STARD13: variants seen among roughly 807,000 people sequenced by gnomAD.
STARD13 encodes StAR related lipid transfer domain containing 13.
STARD13 carries 62 observed loss-of-function variants against 106.4 expected under a neutral mutation model. The ratio of observed to expected loss-of-function variants is 0.58; its 90% CI spans 0.48 to 0.72. The LOEUF (loss-of-function observed/expected upper bound fraction) is 0.72, where lower values mean the gene tolerates loss of function less well. Among genes scored for constraint, STARD13 ranks in the 30% least tolerant of loss-of-function variants. STARD13 has a pLI of 0.00. For missense variants in STARD13, 1,387 were observed against 1,424.0 expected, an observed-to-expected ratio of 0.97 and a Z score of 0.42; for synonymous variants, 565 against 553.0, an observed-to-expected ratio of 1.02 and a Z score of -0.31.
chr13:33,636,274 T>C, the STARD13 span, among the ~76,000 whole-genome samples: 2 of 152,032 alleles, frequency 1.3e-5, no homozygotes, highest in Non-Finnish European at 2.9e-5. Context: ...ACTTGCTTTC[T>C]CCTTAGTCTT....
chr13:33,566,358 C>T, the STARD13 span, among the ~76,000 whole-genome samples: 1 of 148,010 alleles, frequency 6.8e-6, no homozygotes, highest in African/African-American at 2.5e-5. Context: ...CGGTTTCAGG[C>T]ATCCACTGGG....
At chr13:33,465,203 T>TTTC in the STARD13 span, among the ~76,000 whole-genome samples, 1 of 42,440 alleles carries the variant, frequency 2.4e-5, no homozygotes, top group Non-Finnish European at 5.5e-5. Flanking sequence ...GTCTTCTTCT[T>TTTC]TTTTTTTTTT....
the STARD13 span, among the ~76,000 whole-genome samples, chr13:33,534,726 A>G: frequency 7.2e-5 from 11 of 152,340 alleles, no homozygotes; most frequent in East Asian, 1.5e-3. Context: ...TATAAGCACT[A>G]TGAGATTAAG....
intron 1 of STARD13, among the ~76,000 whole-genome samples, chr13:33,195,244 A>T (rs1218866367): frequency 6.6e-6 from 1 of 152,200 alleles, no homozygotes; most frequent in Non-Finnish European, 1.5e-5. Flanking sequence ...ATTTTAATGC[A>T]ATATATATTC....
At chr13:33,154,362 GCCC>G (rs1272694593) in intron 3 of STARD13, among the ~76,000 whole-genome samples, 1 of 152,186 alleles carries the variant, frequency 6.6e-6, no homozygotes, top group Non-Finnish European at 1.5e-5. Context: ...CAAAAGAACT[GCCC>G]CTGGACATTA....
chr13:33,378,798 A>C, the STARD13 span, among the ~76,000 whole-genome samples: 11 of 128,418 alleles, frequency 8.6e-5, 1 homozygote, highest in South Asian at 2.6e-3. Flanking sequence ...TCAAAAAAAC[A>C]AAAAAAAAAA....
chr13:33,179,714 G>T (rs1375590132), intron 1 of STARD13, among the ~76,000 whole-genome samples: 1 of 152,184 alleles, frequency 6.6e-6, no homozygotes, highest in Non-Finnish European at 1.5e-5. Flanking sequence ...ACCCATCCAG[G>T]CACTACCACA....
intron 1 of STARD13, among the ~76,000 whole-genome samples, chr13:33,210,137 CTTTG>C (rs1026486708): frequency 6.6e-6 from 1 of 152,138 alleles, no homozygotes; most frequent in African/African-American, 2.4e-5. Context: ...TCCTTGGGGA[CTTTG>C]TTTTCTTTCT....
intron 1 of STARD13, among the ~76,000 whole-genome samples, chr13:33,228,184 G>A (rs940063320): frequency 3.9e-5 from 6 of 152,192 alleles, no homozygotes; most frequent in Non-Finnish European, 1.5e-5. Context: ...GAGTGCTCAT[G>A]GAAAATCACT....
At chr13:33,569,640 A>G in the STARD13 span, among the ~76,000 whole-genome samples, 5 of 147,618 alleles carry the variant, frequency 3.4e-5, no homozygotes, top group Non-Finnish European at 6.0e-5. Flanking sequence ...AAAGAAGGTT[A>G]AAAAAAGACC....
chr13:33,627,636 CAA>C, the STARD13 span, among the ~76,000 whole-genome samples: 32 of 110,054 alleles, frequency 2.9e-4, no homozygotes, highest in Non-Finnish European at 3.1e-4. Flanking sequence ...GACTCCATCT[CAA>C]AAAAAAAAAA....
chr13:33,140,866 C>G (rs1879731577), intron 4 of STARD13, among the ~76,000 whole-genome samples: 2 of 151,040 alleles, frequency 1.3e-5, no homozygotes, highest in Non-Finnish European at 1.5e-5. Flanking sequence ...TCAAGTGATT[C>G]TCCTGCCTCA....
the STARD13 span, among the ~76,000 whole-genome samples, chr13:33,487,871 A>G: frequency 0.22 from 33,419 of 152,058 alleles, 6,781 homozygotes; most frequent in African/African-American, 0.54. Context: ...CTGGCATACA[A>G]CCCATCACTC....
chr13:33,535,202 C>T, the STARD13 span, among the ~76,000 whole-genome samples: 17 of 151,668 alleles, frequency 1.1e-4, no homozygotes, highest in East Asian at 3.9e-4. Context: ...ATGACAAGAG[C>T]GAAACTCTGT....
the STARD13 span, among the ~76,000 whole-genome samples, chr13:33,425,616 G>A: frequency 2.7e-3 from 410 of 152,314 alleles, 2 homozygotes; most frequent in African/African-American, 9.0e-3. Flanking sequence ...CACTGAAGGT[G>A]TACCCTGCAT....
At chr13:33,604,576 C>T in the STARD13 span, among the ~76,000 whole-genome samples, 72 of 152,130 alleles carry the variant, frequency 4.7e-4, no homozygotes, top group African/African-American at 1.5e-3. Context: ...ACAGGCAGAT[C>T]ACCTGAGGTC....
At chr13:33,123,232 C>T (rs1303988388) in intron 7 of STARD13, among the ~76,000 whole-genome samples, 1 of 152,156 alleles carries the variant, frequency 6.6e-6, no homozygotes, top group African/African-American at 2.4e-5. Context: ...GCTTTTAAAA[C>T]TTACTGCTCT....
intron 1 of STARD13, among the ~76,000 whole-genome samples, chr13:33,200,577 G>A (rs755439602): frequency 6.6e-6 from 1 of 152,194 alleles, no homozygotes; most frequent in Non-Finnish European, 1.5e-5. Flanking sequence ...CCTACTGGGG[G>A]ACTTACCCAT....
intron 1 of STARD13, among the ~76,000 whole-genome samples, chr13:33,327,715 T>C (rs2077792383): frequency 6.6e-6 from 1 of 152,254 alleles, no homozygotes; most frequent in African/African-American, 2.4e-5. Context: ...TCATTGTAAG[T>C]AAATAAGTAT....
Sources: allele counts gnomAD v4.1 joint callset (sites outside exome capture counted in the v4.1 genomes callset), GRCh38; gene constraint gnomAD v4.1.1; transcripts MANE v1.5; gene names NCBI Gene and HGNC (gene_info 2026-07-23, HGNC 2026-07-21).